Variants in AIRIM observed in about 807,000 individuals in gnomAD.
The protein encoded by AIRIM is AFG2 interacting ribosome maturation factor, also known as AFG2-interacting ribosome maturation factor.
chr1:37,690,823 AT>A, the AIRIM span, among the ~76,000 whole-genome samples: 1 of 152,178 alleles, frequency 6.6e-6, no homozygotes, highest in African/African-American at 2.4e-5. Context: ...CACTTTTGAC[AT>A]TGTGTATCAC....
the AIRIM span, chr1:37,689,531 A>G: frequency 2.6e-5 from 39 of 1,472,728 alleles, no homozygotes; most frequent in East Asian, 6.8e-4. Context: ...CACCTTCTGG[A>G]CTGACACTAG....
the AIRIM span, chr1:37,690,014 G>A: frequency 1.4e-6 from 2 of 1,425,842 alleles, no homozygotes; most frequent in Admixed American, 2.9e-5. Context: ...CCAGAAGCAG[G>A]GTTTTTTTTT....
chr1:37,685,773 T>G, the AIRIM span, among the ~76,000 whole-genome samples: 1 of 152,190 alleles, frequency 6.6e-6, no homozygotes. Flanking sequence ...CTCCTCCTCA[T>G]GCTCCAGTCT....
chr1:37,683,443 T>G, the AIRIM span: 1 of 1,613,184 alleles, frequency 6.2e-7, no homozygotes, highest in Non-Finnish European at 8.5e-7. Context: ...GGTACCTTTC[T>G]GGAAGTTAAG....
the AIRIM span, chr1:37,690,470 C>G: frequency 1.6e-5 from 20 of 1,257,326 alleles, no homozygotes; most frequent in Non-Finnish European, 2.1e-5. Flanking sequence ...AAAGTCCAGA[C>G]AGCCAAAGCG....
chr1:37,690,549 A>G, the AIRIM span: 4 of 1,109,170 alleles, frequency 3.6e-6, no homozygotes, highest in Non-Finnish European at 4.6e-6. Context: ...CGACCTCCCC[A>G]CAAAGCTACT....
At chr1:37,690,439 C>T in the AIRIM span, 13 of 1,263,618 alleles carry the variant, frequency 1.0e-5, no homozygotes, top group Non-Finnish European at 1.1e-5. Context: ...GGTCGCCTTC[C>T]TGAAAAAGCG....
the AIRIM span, among the ~76,000 whole-genome samples, chr1:37,685,102 C>T: frequency 6.7e-6 from 1 of 148,446 alleles, no homozygotes; most frequent in Non-Finnish European, 1.5e-5. Flanking sequence ...AGAACGAAGC[C>T]AGAATGATAC....
chr1:37,689,817 C>T, the AIRIM span: 6 of 1,608,488 alleles, frequency 3.7e-6, no homozygotes, highest in African/African-American at 2.7e-5. Flanking sequence ...TGCTGCTCCT[C>T]CACCACGGGG....
At chr1:37,683,333 T>G in the AIRIM span, 3 of 1,614,130 alleles carry the variant, frequency 1.9e-6, no homozygotes, top group Non-Finnish European at 2.5e-6. Context: ...TACAAGATCT[T>G]GGTGTTCGTC....
At chr1:37,685,422 C>G in the AIRIM span, among the ~76,000 whole-genome samples, 1 of 151,298 alleles carries the variant, frequency 6.6e-6, no homozygotes, top group East Asian at 1.9e-4. Context: ...CTTTATCACC[C>G]AGGCTGGAGT....
At chr1:37,683,113 C>G in the AIRIM span, 3,814 of 1,612,212 alleles carry the variant, frequency 2.4e-3, 73 homozygotes, top group African/African-American at 0.041. Flanking sequence ...TCCAGATACG[C>G]ATAGCTTCCT....
the AIRIM span, among the ~76,000 whole-genome samples, chr1:37,684,995 G>A: frequency 6.8e-6 from 1 of 147,496 alleles, no homozygotes; most frequent in Non-Finnish European, 1.5e-5. Context: ...CCATCTCCTA[G>A]GCAAAAAAAA....
chr1:37,686,500 A>G, the AIRIM span: 1 of 1,570,464 alleles, frequency 6.4e-7, no homozygotes, highest in South Asian at 1.2e-5. Context: ...ACATGTATAA[A>G]GGAAGGTTTC....
chr1:37,681,969 T>G, the AIRIM span: 1 of 152,244 alleles, frequency 6.6e-6, no homozygotes, highest in South Asian at 2.1e-4. Context: ...CTCATGCCTG[T>G]ATTTCCAATA....
the AIRIM span, chr1:37,691,508 C>G: frequency 6.5e-6 from 1 of 153,276 alleles, no homozygotes; most frequent in Non-Finnish European, 1.5e-5. Flanking sequence ...CGCCTTGAGA[C>G]TCAGCCTGAG....
the AIRIM span, chr1:37,683,944 C>A: frequency 6.3e-6 from 1 of 159,682 alleles, no homozygotes; most frequent in Non-Finnish European, 1.4e-5. Flanking sequence ...CACCAAGTAC[C>A]AACGCAGGGC....
chr1:37,687,432 A>AAG, the AIRIM span, among the ~76,000 whole-genome samples: 1 of 149,454 alleles, frequency 6.7e-6, no homozygotes, highest in Admixed American at 6.7e-5. Context: ...GTGCCCAGCT[A>AAG]ATATATATTT....
chr1:37,681,659 G>A, the AIRIM span: 5 of 152,218 alleles, frequency 3.3e-5, no homozygotes, highest in South Asian at 1.0e-3. Context: ...ATAGTTATCT[G>A]GTAGATGGAT....
Sources: gnomAD v4.1 joint callset for allele counts (sites outside exome capture counted in the v4.1 genomes callset) on GRCh38, gnomAD v4.1.1 for gene constraint, MANE v1.5 for transcripts, NCBI Gene and HGNC (gene_info 2026-07-23, HGNC 2026-07-21) for gene names.